LRRK2: variants seen among roughly 807,000 people sequenced by gnomAD.
LRRK2 encodes leucine-rich repeat serine/threonine-protein kinase 2.
Under a neutral mutation model 302.6 loss-of-function variants are expected in LRRK2, and 203 were observed. That is an observed-to-expected ratio of 0.67 (90% CI 0.60 to 0.75). LRRK2 has a LOEUF of 0.75. Ranked by LOEUF, LRRK2 falls within the 30% of genes least tolerant of loss-of-function variation. The pLI is 0.00. For synonymous variants in LRRK2, 1,066 were observed against 1,031.9 expected (o/e 1.03, Z -0.63); for missense variants, 2,830 against 2,951.0 (o/e 0.96, Z 0.95).
At chr12:40,274,281 C>A (rs1488327687) in intron 14 of LRRK2, among the ~76,000 whole-genome samples, 1 of 151,970 alleles carries the variant, frequency 6.6e-6, no homozygotes, top group African/African-American at 2.4e-5. Context: ...TCATTCTAAC[C>A]CTCAGTGAAT....
At chr12:40,276,748 A>G (rs1463681771) in intron 16 of LRRK2, among the ~76,000 whole-genome samples, 1 of 152,222 alleles carries the variant, frequency 6.6e-6, no homozygotes. Flanking sequence ...AATTAAGGCT[A>G]CTTTGCTTAT....
At chr12:40,354,765 C>T (rs1252963024) in intron 45 of LRRK2, among the ~76,000 whole-genome samples, 1 of 152,078 alleles carries the variant, frequency 6.6e-6, no homozygotes, top group Non-Finnish European at 1.5e-5. Context: ...TATCTCTTTA[C>T]TTCTCCTCAG....
chr12:40,344,535 G>T (rs956257685), intron 41 of LRRK2, among the ~76,000 whole-genome samples: 1 of 152,104 alleles, frequency 6.6e-6, no homozygotes, highest in Admixed American at 6.6e-5. Flanking sequence ...ATTTCTGAAA[G>T]GATTATGTCG....
intron 13 of LRRK2, among the ~76,000 whole-genome samples, chr12:40,262,362 A>G (rs17465898): frequency 0.022 from 3,331 of 152,264 alleles, 47 homozygotes; most frequent in Non-Finnish European, 0.033. Context: ...TGTATGGACT[A>G]CAAAACTGAG....
intron 7 of LRRK2, among the ~76,000 whole-genome samples, chr12:40,246,423 T>C (rs1941986893): frequency 6.6e-6 from 1 of 152,088 alleles, no homozygotes; most frequent in Admixed American, 6.6e-5. Flanking sequence ...AGGTGAGTTT[T>C]GGCAGCCTCT....
In LRRK2 at chr12:40,251,240, A is replaced by G. The variant is rs765457063; in HGVS notation, c.967A>G (p.Ile323Val). 9 of 1,584,946 alleles carry G rather than the reference A, an allele frequency of 5.7e-6. No homozygotes were observed. The highest frequency in any genetic ancestry group is 1.7e-4 in the Middle Eastern group (1 of 6,014). The change falls in exon 9 of 51, where the codon ATT becomes GTT. Residue 323 changes from isoleucine to valine, a missense_variant. By Grantham distance (29) the Ile-to-Val change is conservative. Coordinates refer to ENST00000298910, the MANE Select transcript of LRRK2 (RefSeq NM_198578.4). ...LSCLALLTET[I>V]FLNQDLEEKN... ...TTTCAATTTTTTTCAAGCTGAGACT[A>G]TTTTCTTAAATCAAGATTTAGAGGA...
chr12:40,346,647 A>T, intron 41 of LRRK2, 106 bp from the exon 42 acceptor site: 1 of 1,030,398 alleles, frequency 9.7e-7, no homozygotes, highest in Non-Finnish European at 1.5e-6. Context: ...GGTTTAGAAC[A>T]TCTCTTCCTG....
At chr12:40,231,391 A>AC (rs1260088123) in intron 2 of LRRK2, among the ~76,000 whole-genome samples, 27 of 1,404 alleles carry the variant, frequency 0.019, no homozygotes, top group African/African-American at 0.034. Flanking sequence ...CTGTCTTCAC[A>AC]AAAAAAAAAA....
At chr12:40,308,428 A>G in intron 28 of LRRK2, 39 bp from the exon 29 acceptor site, 4 of 1,495,948 alleles carry the variant, frequency 2.7e-6, no homozygotes, top group Non-Finnish European at 3.7e-6. Context: ...GTATACTTTT[A>G]AGCAGTTTAT....
intron 25 of LRRK2, among the ~76,000 whole-genome samples, chr12:40,300,554 G>T (rs946087429): frequency 6.6e-6 from 1 of 152,072 alleles, no homozygotes; most frequent in Admixed American, 6.6e-5. Context: ...AACTAATAAT[G>T]ATCAAAGCCA....
intron 40 of LRRK2, among the ~76,000 whole-genome samples, chr12:40,336,041 C>T (rs1945859208): frequency 6.6e-6 from 1 of 152,198 alleles, no homozygotes; most frequent in African/African-American, 2.4e-5. Flanking sequence ...ACCTCTGTCT[C>T]ATGATAGTCC....
chr12:40,315,879 C>T (rs547502096), intron 33 of LRRK2, among the ~76,000 whole-genome samples: 74 of 151,938 alleles, frequency 4.9e-4, no homozygotes, highest in Non-Finnish European at 9.3e-4. Flanking sequence ...GTAGCTTTGA[C>T]ATAAAAGACC....
intron 3 of LRRK2, among the ~76,000 whole-genome samples, chr12:40,235,200 G>C (rs543418460): frequency 1.3e-5 from 2 of 152,134 alleles, no homozygotes; most frequent in Non-Finnish European, 2.9e-5. Context: ...GGCCAGGCAC[G>C]GTGGCTCACA....
At chr12:40,354,259 T>TAAATC in intron 44 of LRRK2, 40 bp from the exon 45 acceptor site, 2 of 1,566,842 alleles carry the variant, frequency 1.3e-6, no homozygotes, top group Non-Finnish European at 1.8e-6. Flanking sequence ...TGCTTAAGCT[T>TAAATC]AAATCAAATC....
chr12:40,315,178 C>A lies in LRRK2; in HGVS notation c.4739-34C>A. On this transcript the variant is annotated intron_variant, in intron 32 of 50. Coordinates refer to ENST00000298910, the MANE Select transcript of LRRK2 (RefSeq NM_198578.4). ...AGCCCCTTGATATTTGTTCTAGATTCCATGTTTCACTGTTTGATGACTTTT... is the reference window on the plus strand; with the variant it reads ...AGCCCCTTGATATTTGTTCTAGATTACATGTTTCACTGTTTGATGACTTTT... 4 of 1,527,976 alleles carry A rather than the reference C, an allele frequency of 2.6e-6. No individual in the cohort carries two copies. The Admixed American group carries it at 5.0e-5, about 19-fold the overall frequency. 94.7% of individuals were successfully genotyped at this position (1,527,976 alleles called of 1,614,324 possible). A position where few individuals can be genotyped will look rare whatever the true frequency, so the allele number is the denominator to read the frequency against.
chr12:40,302,927 C>A (rs755936294), intron 26 of LRRK2, 45 bp downstream of exon 26: 18 of 1,253,978 alleles, frequency 1.4e-5, no homozygotes, highest in Non-Finnish European at 2.0e-5. Context: ...TTAGCTGGAA[C>A]AGAACCTTTA....
rs1481986274 is a variant in LRRK2, at chr12:40,298,462, G to C, written c.3316G>C (p.Val1106Leu). 14 of 1,613,770 alleles carry C rather than the reference G, an allele frequency of 8.7e-6. No individual in the cohort carries two copies. The highest frequency in any genetic ancestry group is 1.1e-5 in the Non-Finnish European group (13 of 1,179,956). Reference sequence around the variant, plus strand: ...TGTACCTGAGAACCTCACTGATGTGGTAGAGAAACTGGAGCAGCTCATTTT... The same window carrying C: ...TGTACCTGAGAACCTCACTGATGTGCTAGAGAAACTGGAGCAGCTCATTTT... The part of the protein sequence containing the change: ...SFVPENLTDV[V>L]EKLEQLILEG... The change falls in exon 24 of 51, where the codon GTA (valine) becomes CTA (leucine). Residue 1106 changes from valine to leucine, a missense_variant. Transcript: ENST00000298910.
intron 7 of LRRK2, among the ~76,000 whole-genome samples, chr12:40,244,737 G>A (rs1433824654): frequency 4.3e-5 from 5 of 115,586 alleles, no homozygotes; most frequent in Admixed American, 4.1e-4. Context: ...CTGTTGTGGG[G>A]TGGGGGGAGG....
At chr12:40,351,780 C>T (rs778206048) in intron 44 of LRRK2, 47 bp downstream of exon 44, 11 of 1,564,896 alleles carry the variant, frequency 7.0e-6, no homozygotes, top group East Asian at 2.3e-5. Flanking sequence ...AAGCATATAC[C>T]ATTTGGAAAG....
Sources: gnomAD v4.1 joint callset for allele counts (sites outside exome capture counted in the v4.1 genomes callset) on GRCh38, gnomAD v4.1.1 for gene constraint, MANE v1.5 for transcripts, NCBI Gene and HGNC (gene_info 2026-07-23, HGNC 2026-07-21) for gene names.